STMND1: variants seen among roughly 807,000 people sequenced by gnomAD.
The protein encoded by STMND1 is stathmin domain containing 1, also known as stathmin domain-containing protein 1.
STMND1 carries 17 observed loss-of-function variants against 23.0 expected under a neutral mutation model. The observed-to-expected ratio is 0.74, with a 90% CI of 0.51 to 1.11. The LOEUF is 1.11. STMND1 is among the 50% of genes least tolerant of loss of function. STMND1 has a pLI of 0.00. For synonymous variants in STMND1, 114 were observed against 119.9 expected, an observed-to-expected ratio of 0.95 and a Z score of 0.32; for missense variants, 305 against 329.1, an observed-to-expected ratio of 0.93 and a Z score of 0.57.
At chr6:17,129,626 C>T (rs1761360013) in intron 4 of STMND1, among the ~76,000 whole-genome samples, 1 of 151,794 alleles carries the variant, frequency 6.6e-6, no homozygotes, top group Admixed American at 6.6e-5. Flanking sequence ...AGGCGGATCA[C>T]GAGGTCAGGA....
intron 1 of STMND1, among the ~76,000 whole-genome samples, chr6:17,107,817 G>T (rs1271456392): frequency 6.6e-6 from 1 of 152,160 alleles, no homozygotes; most frequent in African/African-American, 2.4e-5. Context: ...CTTAATGTAG[G>T]TATACTTCCT....
At chr6:17,108,265 C>T (rs950380734) in intron 1 of STMND1, among the ~76,000 whole-genome samples, 8 of 152,338 alleles carry the variant, frequency 5.3e-5, no homozygotes, top group African/African-American at 1.9e-4. Flanking sequence ...GTATTTAAAT[C>T]TATGCCAAGT....
chr6:17,129,892 G>T (rs1189293736), intron 4 of STMND1, among the ~76,000 whole-genome samples: 1 of 152,048 alleles, frequency 6.6e-6, no homozygotes, highest in African/African-American at 2.4e-5. Context: ...TCATTATGTA[G>T]CCCAGGCTGG....
chr6:17,123,483 G>A (rs758955464), intron 3 of STMND1, among the ~76,000 whole-genome samples: 6 of 152,064 alleles, frequency 3.9e-5, no homozygotes, highest in Admixed American at 2.6e-4. Flanking sequence ...TTAACCCGCC[G>A]GTACATTGGA....
intron 1 of STMND1, among the ~76,000 whole-genome samples, chr6:17,105,628 C>G (rs909256047): frequency 4.7e-4 from 66 of 140,274 alleles, no homozygotes; most frequent in African/African-American, 1.8e-3. Flanking sequence ...GCCTGGGCAA[C>G]AAGAACAAAA....
intron 3 of STMND1, among the ~76,000 whole-genome samples, chr6:17,126,064 ATATATATTT>A (rs1289733831): frequency 3.0e-4 from 7 of 23,720 alleles, no homozygotes; most frequent in African/African-American, 1.3e-3. Context: ...ATATATATAT[ATATATATTT>A]TTTTTTTTTT....
rs192435726 is a variant in STMND1, at chr6:17,115,004, C to A, written c.124C>A (p.Arg42=). The change falls in exon 2 of 5, where the codon CGG becomes AGG. Residue 42 remains arginine (R), a synonymous_variant. Coordinates refer to ENST00000536551, the MANE Select transcript of STMND1 (RefSeq NM_001190766.2). ...VPHTGENCSP[R]MEAALTKNTV... ...TCATACTGGGGAAAATTGCAGCCCC[C>A]GGATGGAAGCTGCTCTGACCAAGAA... is the stretch of plus-strand genomic sequence containing the variant. The A allele has an allele frequency of 6.5e-7, 1 of 1,532,198 alleles. No individual in the cohort carries two copies. The highest frequency in any genetic ancestry group is 2.0e-5 in the Admixed American group (1 of 50,462). 94.9% of individuals were successfully genotyped at this position (1,532,198 alleles called of 1,614,324 possible).
chr6:17,103,785 T>A (rs913801071), intron 1 of STMND1, among the ~76,000 whole-genome samples: 3 of 152,032 alleles, frequency 2.0e-5, no homozygotes, highest in East Asian at 3.9e-4. Context: ...TTGGTCAGGC[T>A]GGTCTCGAAC....
intron 1 of STMND1, among the ~76,000 whole-genome samples, chr6:17,108,334 C>T (rs953319000): frequency 3.6e-5 from 4 of 110,968 alleles, no homozygotes; most frequent in African/African-American, 3.3e-5. Context: ...TATTCAAATT[C>T]GCTCTCAATT....
At chr6:17,102,393 G>A in intron 1 of STMND1, 55 bp downstream of exon 1, 2 of 1,531,096 alleles carry the variant, frequency 1.3e-6, no homozygotes, top group Non-Finnish European at 1.7e-6. Flanking sequence ...CTTTTGCCTG[G>A]GAGGTCTCGC....
At chr6:17,114,811 A>G in intron 1 of STMND1, 151 bp from the exon 2 acceptor site, 1 of 750,830 alleles carries the variant, frequency 1.3e-6, no homozygotes, top group Non-Finnish European at 2.0e-6. Context: ...TATGTGGCCC[A>G]GGGGGTTGGG....
At chr6:17,119,283 C>T (rs1761198149) in intron 2 of STMND1, among the ~76,000 whole-genome samples, 1 of 152,126 alleles carries the variant, frequency 6.6e-6, no homozygotes, top group Non-Finnish European at 1.5e-5. Context: ...TATAAATCTC[C>T]TATACTGGAG....
At chr6:17,107,052 G>A (rs1170017824) in intron 1 of STMND1, among the ~76,000 whole-genome samples, 1 of 152,118 alleles carries the variant, frequency 6.6e-6, no homozygotes, top group Non-Finnish European at 1.5e-5. Flanking sequence ...AATTCTAGTT[G>A]ATTGTCAGTA....
At chr6:17,117,797 C>T (rs1189192261) in intron 2 of STMND1, among the ~76,000 whole-genome samples, 1 of 147,862 alleles carries the variant, frequency 6.8e-6, no homozygotes, top group Admixed American at 6.9e-5. Context: ...CTGTCTGCCT[C>T]AGCCTCTCGA....
chr6:17,130,222 A>T (rs1380760874), intron 4 of STMND1, among the ~76,000 whole-genome samples: 2 of 152,188 alleles, frequency 1.3e-5, no homozygotes, highest in Admixed American at 1.3e-4. Flanking sequence ...GAGTAAAGGC[A>T]GGGTTGAGGT....
chr6:17,103,744 G>T (rs1436370748), intron 1 of STMND1, among the ~76,000 whole-genome samples: 1 of 151,794 alleles, frequency 6.6e-6, no homozygotes, highest in African/African-American at 2.4e-5. Context: ...GCTAATTTTT[G>T]TATTTTTATT....
At position 17,130,799 on chromosome 6, in the gene STMND1, T is replaced by C. The variant is rs572998730; in HGVS notation, c.749T>C (p.Ile250Thr). The stretch of plus-strand genomic sequence containing the variant: ...AAGAGTAAATGTGATGCAACCTTGA[T>C]TGATAGAAACGAAAGTGATGAAAGT... The part of the protein sequence containing the change: ...RKKSKCDATL[I>T]DRNESDESFG... Residue 250 changes from isoleucine to threonine, a missense_variant, in exon 5 of 5, where the codon ATT becomes ACT. By Grantham distance (89) the Ile-to-Thr change is moderately conservative. Transcript: ENST00000536551. The C allele has an allele frequency of 5.2e-6, 8 of 1,536,018 alleles. No homozygotes were observed. The African/African-American group carries it at 8.2e-5, about 16-fold the overall frequency.
chr6:17,102,444 G>A (rs1456694094), intron 1 of STMND1, 106 bp downstream of exon 1: 55 of 1,362,504 alleles, frequency 4.0e-5, no homozygotes, highest in Non-Finnish European at 5.4e-5. Flanking sequence ...GCTGGAGCAG[G>A]GTCGGTCGAG....
intron 3 of STMND1, among the ~76,000 whole-genome samples, chr6:17,127,768 G>A (rs1227464645): frequency 1.3e-5 from 2 of 152,126 alleles, no homozygotes; most frequent in African/African-American, 4.8e-5. Flanking sequence ...AAAGTCTTTA[G>A]AGAAATTATC....
Sources: allele counts gnomAD v4.1 joint callset (sites outside exome capture counted in the v4.1 genomes callset), GRCh38; gene constraint gnomAD v4.1.1; transcripts MANE v1.5; gene names NCBI Gene and HGNC (gene_info 2026-07-23, HGNC 2026-07-21).